The following UST variants were observed in gnomAD, a reference collection of about 807,000 sequenced individuals.
UST encodes uronyl 2-sulfotransferase, also known as chondroitin sulfate 2-O-sulfotransferase.
A neutral mutation model predicts 45.6 loss-of-function variants in UST; 21 were observed. The observed-to-expected ratio is 0.46, with a 90% CI of 0.33 to 0.66. The LOEUF is 0.66. Among genes scored for constraint, UST ranks in the 30% least tolerant of loss-of-function variants. The pLI, the probability that UST is intolerant of heterozygous loss-of-function variation, is 0.02. For synonymous variants in UST, 215 were observed against 200.6 expected, an observed-to-expected ratio of 1.07 and a Z score of -0.61; for missense variants, 463 against 512.4, an observed-to-expected ratio of 0.90 and a Z score of 0.93.
chr6:148,965,775 G>GTATT (rs1197612023), intron 5 of UST, among the ~76,000 whole-genome samples: 1 of 151,944 alleles, frequency 6.6e-6, no homozygotes, highest in Non-Finnish European at 1.5e-5. Context: ...CTCACCTTCG[G>GTATT]TATTTGATCA....
Position 148,776,405 on chromosome 6 carries a change from C to T in UST, c.247+28728C>T, listed in dbSNP as rs143572773. On this transcript the variant is annotated intron_variant, in intron 1 of 7. Transcript: ENST00000367463. Reference sequence around the variant, plus strand: ...TTGAGGGTGGGAGTGTGGTCAATGACGCAACTGAGCCTTTCAGGGACTTGG... The same window carrying T: ...TTGAGGGTGGGAGTGTGGTCAATGATGCAACTGAGCCTTTCAGGGACTTGG... 1.8e-3 allele frequency among the ~76,000 whole-genome samples: 271 copies of T among 152,290 alleles called. 1 individual carries two copies. Among genetic ancestry groups the T allele is most frequent in the African/African-American group, 4.6e-3 (193 of 41,570 alleles).
At chr6:148,789,447 TCTCTCTCACACA>T (rs1043673675) in intron 1 of UST, among the ~76,000 whole-genome samples, 19 of 130,456 alleles carry the variant, frequency 1.5e-4, no homozygotes, top group South Asian at 2.4e-4. Flanking sequence ...TCTCTCTCTC[TCTCTCTCACACA>T]CACACACACA....
chr6:148,782,609 C>G (rs1225690561), intron 1 of UST, among the ~76,000 whole-genome samples: 1 of 152,056 alleles, frequency 6.6e-6, no homozygotes, highest in African/African-American at 2.4e-5. Context: ...TGCCACCATG[C>G]CCGGCTAATT....
At position 148,952,616 on chromosome 6, in the gene UST, A is replaced by G. The variant is rs114425428; in HGVS notation, c.448-1256A>G. 4.3e-3 allele frequency among the ~76,000 whole-genome samples: 649 copies of G among 152,352 alleles called. 7 individuals are homozygous for G. Among genetic ancestry groups the G allele is most frequent in the African/African-American group, 0.014 (600 of 41,592 alleles). On this transcript the variant is annotated intron_variant, in intron 3 of 7. Coordinates refer to ENST00000367463, the MANE Select transcript of UST (RefSeq NM_005715.3). ...GTGTCAGCCCCTGTGTTAGACATGA[A>G]GGAACAAGGCAGACTTGGGCTTTCT...
At chr6:148,918,807 T>A (rs958480104) in intron 2 of UST, among the ~76,000 whole-genome samples, 3 of 152,204 alleles carry the variant, frequency 2.0e-5, no homozygotes, top group African/African-American at 7.2e-5. Context: ...CCTTATCTTA[T>A]TCTTTTTATT....
intron 1 of UST, among the ~76,000 whole-genome samples, chr6:148,798,964 G>A (rs529988866): frequency 6.6e-6 from 1 of 152,232 alleles, no homozygotes; most frequent in African/African-American, 2.4e-5. Flanking sequence ...CTGCCTCTCG[G>A]GTTCAAGCGA....
chr6:148,954,083 G>A (rs140234423), intron 4 of UST, 132 bp downstream of exon 4: 356 of 556,956 alleles, frequency 6.4e-4, no homozygotes, highest in Non-Finnish European at 9.4e-4. Context: ...TTTTTGCTAC[G>A]GAGGGATCAA....
chr6:148,947,778 G>A (rs933431221), intron 3 of UST, among the ~76,000 whole-genome samples: 5 of 152,154 alleles, frequency 3.3e-5, no homozygotes, highest in Non-Finnish European at 7.3e-5. Flanking sequence ...AGGCATGAGA[G>A]TGCTCCAACT....
At chr6:148,971,491 A>G (rs950233075) in intron 5 of UST, among the ~76,000 whole-genome samples, 6 of 152,144 alleles carry the variant, frequency 3.9e-5, no homozygotes, top group Non-Finnish European at 8.8e-5. Flanking sequence ...TGCATCCTAC[A>G]ATGCAGAGAC....
chr6:149,004,969 A>T (rs1376785417), intron 5 of UST, among the ~76,000 whole-genome samples: 2 of 150,956 alleles, frequency 1.3e-5, no homozygotes, highest in Non-Finnish European at 2.9e-5. Context: ...AGTAGCTGGG[A>T]CTACAGTAGG....
At chr6:148,846,440 A>C (rs1402084623) in intron 1 of UST, among the ~76,000 whole-genome samples, 2 of 151,422 alleles carry the variant, frequency 1.3e-5, no homozygotes, top group African/African-American at 4.9e-5. Context: ...CACTCTGGGG[A>C]CTGTTGTGGG....
At chr6:148,908,172 A>G (rs7761873) in intron 2 of UST, among the ~76,000 whole-genome samples, 2,030 of 152,156 alleles carry the variant, frequency 0.013, 36 homozygotes, top group African/African-American at 0.046. Flanking sequence ...GTAATTGTAT[A>G]TGTTTTGTGG....
At chr6:148,951,763 A>G (rs1366852882) in intron 3 of UST, among the ~76,000 whole-genome samples, 2 of 152,222 alleles carry the variant, frequency 1.3e-5, no homozygotes, top group African/African-American at 4.8e-5. Flanking sequence ...CTCTGCCTTC[A>G]CTGTGCTAAT....
chr6:148,896,932 T>A (rs1779143167), intron 2 of UST, among the ~76,000 whole-genome samples: 1 of 152,164 alleles, frequency 6.6e-6, no homozygotes, highest in Non-Finnish European at 1.5e-5. Context: ...TAAAAGAGGA[T>A]AGTAATGCCC....
chr6:149,037,215 T>A (rs1009806316), intron 7 of UST, among the ~76,000 whole-genome samples: 7 of 152,142 alleles, frequency 4.6e-5, no homozygotes. Context: ...GCAGCTCATA[T>A]AACAAATGTT....
intron 7 of UST, among the ~76,000 whole-genome samples, chr6:149,033,105 T>C (rs1332385975): frequency 6.6e-6 from 1 of 152,226 alleles, no homozygotes; most frequent in Non-Finnish European, 1.5e-5. Flanking sequence ...GGTTGATCTT[T>C]ATAAAAACGA....
At chr6:148,820,086 G>A (rs1349760130) in intron 1 of UST, among the ~76,000 whole-genome samples, 1 of 152,152 alleles carries the variant, frequency 6.6e-6, no homozygotes, top group Non-Finnish European at 1.5e-5. Flanking sequence ...GTCAGGTCTG[G>A]CTCCTTTGTG....
intron 2 of UST, among the ~76,000 whole-genome samples, chr6:148,916,810 C>T (rs1417958254): frequency 1.3e-5 from 2 of 152,172 alleles, no homozygotes; most frequent in Non-Finnish European, 2.9e-5. Context: ...ACGTATTTGG[C>T]CTGTAACTTG....
chr6:148,864,462 G>A (rs867105196), intron 1 of UST, among the ~76,000 whole-genome samples: 2 of 152,204 alleles, frequency 1.3e-5, no homozygotes, highest in Non-Finnish European at 2.9e-5. Context: ...CGGGTGAGGC[G>A]ATGCCCCGCC....
Sources: allele counts gnomAD v4.1 joint callset (sites outside exome capture counted in the v4.1 genomes callset), GRCh38; gene constraint gnomAD v4.1.1; transcripts MANE v1.5; gene names NCBI Gene and HGNC (gene_info 2026-07-23, HGNC 2026-07-21).